Variants in CNTNAP5 observed in about 807,000 individuals in gnomAD.
The protein encoded by CNTNAP5 is contactin-associated protein-like 5.
Under a neutral mutation model 150.2 loss-of-function variants are expected in CNTNAP5, and 72 were observed. The ratio of observed to expected loss-of-function variants is 0.48; its 90% CI spans 0.40 to 0.58. CNTNAP5 has a LOEUF of 0.58. CNTNAP5 is among the 20% of genes least tolerant of loss of function. CNTNAP5 has a pLI of 0.00. For missense variants in CNTNAP5, 1,636 were observed against 1,626.2 expected, an observed-to-expected ratio of 1.01 and a Z score of -0.10; for synonymous variants, 672 against 619.8, an observed-to-expected ratio of 1.08 and a Z score of -1.25.
intron 21 of CNTNAP5, among the ~76,000 whole-genome samples, chr2:124,900,634 A>G (rs916832806): frequency 6.6e-6 from 1 of 151,596 alleles, no homozygotes; most frequent in Non-Finnish European, 1.5e-5. Flanking sequence ...ATGTCATGAC[A>G]GTCACTATAG....
At chr2:124,447,192 AT>A (rs78640610) in intron 6 of CNTNAP5, among the ~76,000 whole-genome samples, 59,554 of 128,264 alleles carry the variant, frequency 0.46, 12,058 homozygotes, top group South Asian at 0.6. Context: ...TTTCCTTCTC[AT>A]TTTTTTTTTT....
At chr2:124,420,568 A>G (rs756033724) in intron 4 of CNTNAP5, among the ~76,000 whole-genome samples, 5 of 152,218 alleles carry the variant, frequency 3.3e-5, no homozygotes, top group African/African-American at 7.2e-5. Flanking sequence ...AAACACTAAT[A>G]TAGTTACTGC....
At chr2:124,468,270 G>T (rs1414571368) in intron 6 of CNTNAP5, among the ~76,000 whole-genome samples, 6 of 152,102 alleles carry the variant, frequency 3.9e-5, no homozygotes, top group African/African-American at 1.4e-4. Context: ...ATCAAGGAAG[G>T]TAGTGGCTCA....
chr2:124,746,621 A>G (rs1212743460), intron 13 of CNTNAP5, among the ~76,000 whole-genome samples: 1 of 152,194 alleles, frequency 6.6e-6, no homozygotes, highest in Non-Finnish European at 1.5e-5. Flanking sequence ...ATGGGAGGCC[A>G]TCAGAACCAG....
chr2:124,180,813 A>C (rs1685190412), intron 1 of CNTNAP5, among the ~76,000 whole-genome samples: 1 of 142,254 alleles, frequency 7.0e-6, no homozygotes, highest in Admixed American at 7.1e-5. Context: ...CTGCTGTGTA[A>C]GTTATAGGAA....
intron 3 of CNTNAP5, among the ~76,000 whole-genome samples, chr2:124,414,365 A>G (rs994228081): frequency 8.5e-5 from 13 of 152,082 alleles, no homozygotes; most frequent in Non-Finnish European, 1.8e-4. Flanking sequence ...CTCTACTGTT[A>G]ATGCTTTCTA....
chr2:124,258,342 T>C (rs6728630), intron 3 of CNTNAP5, among the ~76,000 whole-genome samples: 1,699 of 152,248 alleles, frequency 0.011, 29 homozygotes, highest in African/African-American at 0.036. Context: ...CTGACAGGCA[T>C]TTCAAAACAG....
intron 3 of CNTNAP5, among the ~76,000 whole-genome samples, chr2:124,403,236 T>C (rs1234591344): frequency 6.6e-6 from 1 of 152,202 alleles, no homozygotes; most frequent in African/African-American, 2.4e-5. Context: ...GCATACACTG[T>C]CATACAAAGA....
chr2:124,354,328 G>C (rs1406762983), intron 3 of CNTNAP5, among the ~76,000 whole-genome samples: 1 of 152,082 alleles, frequency 6.6e-6, no homozygotes, highest in Non-Finnish European at 1.5e-5. Context: ...CAGTGATTTG[G>C]GATCTTTAGT....
At chr2:124,672,477 A>G (rs1478547012) in intron 13 of CNTNAP5, among the ~76,000 whole-genome samples, 1 of 152,198 alleles carries the variant, frequency 6.6e-6, no homozygotes, top group African/African-American at 2.4e-5. Context: ...GTGTAGGAGA[A>G]TCTAAATCCA....
At chr2:124,581,873 C>A (rs1462380265) in intron 11 of CNTNAP5, among the ~76,000 whole-genome samples, 2 of 152,184 alleles carry the variant, frequency 1.3e-5, no homozygotes, top group Non-Finnish European at 2.9e-5. Context: ...CCAAAAGCGG[C>A]CGTCATATTG....
At chr2:124,303,239 TC>T (rs1334797405) in intron 3 of CNTNAP5, among the ~76,000 whole-genome samples, 5 of 152,104 alleles carry the variant, frequency 3.3e-5, no homozygotes, top group Admixed American at 2.0e-4. Context: ...CAAGTATCAC[TC>T]CCCTGAAGCT....
chr2:124,189,006 A>C (rs1262225101), intron 1 of CNTNAP5, among the ~76,000 whole-genome samples: 1 of 152,140 alleles, frequency 6.6e-6, no homozygotes, highest in Non-Finnish European at 1.5e-5. Flanking sequence ...GTTTTTCATG[A>C]ATTCTTCAAA....
intron 2 of CNTNAP5, among the ~76,000 whole-genome samples, chr2:124,228,070 T>G (rs1267312444): frequency 6.6e-6 from 1 of 152,042 alleles, no homozygotes; most frequent in Non-Finnish European, 1.5e-5. Flanking sequence ...TGTAATTCAG[T>G]CTGAGTCCAA....
chr2:124,560,298 A>G (rs868371083), intron 10 of CNTNAP5, among the ~76,000 whole-genome samples: 1 of 152,258 alleles, frequency 6.6e-6, no homozygotes, highest in South Asian at 2.1e-4. Context: ...ACCTGAGGTC[A>G]GGAGTTCCAG....
chr2:124,203,596 C>G (rs1048186188), intron 1 of CNTNAP5, among the ~76,000 whole-genome samples: 3 of 152,202 alleles, frequency 2.0e-5, no homozygotes, highest in Admixed American at 2.0e-4. Context: ...CATTTCCATA[C>G]ATCCTCTGAA....
chr2:124,478,257 A>G (rs868670734), intron 7 of CNTNAP5, among the ~76,000 whole-genome samples: 7 of 152,268 alleles, frequency 4.6e-5, no homozygotes, highest in Middle Eastern at 6.8e-3. Flanking sequence ...AAACTACTAT[A>G]GCACTTATCA....
At chr2:124,685,897 GT>G (rs1304906597) in intron 13 of CNTNAP5, among the ~76,000 whole-genome samples, 1 of 151,794 alleles carries the variant, frequency 6.6e-6, no homozygotes, top group Non-Finnish European at 1.5e-5. Context: ...TTTTTTTGCT[GT>G]TTTTTCCCTC....
chr2:124,106,587 A>G (rs1683176447), intron 1 of CNTNAP5, among the ~76,000 whole-genome samples: 1 of 152,174 alleles, frequency 6.6e-6, no homozygotes. Context: ...AAAGCCATGA[A>G]GACTCTACCC....
Sources: allele counts gnomAD v4.1 joint callset (sites outside exome capture counted in the v4.1 genomes callset), GRCh38; gene constraint gnomAD v4.1.1; transcripts MANE v1.5; gene names NCBI Gene and HGNC (gene_info 2026-07-23, HGNC 2026-07-21).